Variants in DYNC1I1 observed in about 807,000 individuals in gnomAD.
The protein encoded by DYNC1I1 is cytoplasmic dynein 1 intermediate chain 1.
In DYNC1I1, 43 loss-of-function variants were observed where a neutral mutation model predicts 86.6. The observed-to-expected ratio is 0.50, with a 90% CI of 0.39 to 0.64. The LOEUF (loss-of-function observed/expected upper bound fraction) is 0.64, where lower values mean the gene tolerates loss of function less well. DYNC1I1 is among the 30% of genes least tolerant of loss of function. The pLI is 0.00. For synonymous variants in DYNC1I1, 262 were observed against 283.7 expected, an observed-to-expected ratio of 0.92 and a Z score of 0.77; for missense variants, 604 against 788.8, an observed-to-expected ratio of 0.77 and a Z score of 2.81.
At chr7:95,987,032 T>A in intron 8 of DYNC1I1, 24 bp from the exon 9 acceptor site, 1 of 1,603,486 alleles carries the variant, frequency 6.2e-7, no homozygotes, top group South Asian at 1.1e-5. Flanking sequence ...TCCATATTTA[T>A]CTCTGATGTT....
At chr7:95,804,250 A>G (rs1216847678) in intron 1 of DYNC1I1, 2 of 511,148 alleles carry the variant, frequency 3.9e-6, no homozygotes, top group Non-Finnish European at 5.6e-6. Context: ...CAGTGGAGGA[A>G]TGTTTATTGA....
intron 5 of DYNC1I1, among the ~76,000 whole-genome samples, chr7:95,840,463 A>G (rs1395878732): frequency 6.6e-6 from 1 of 152,116 alleles, no homozygotes; most frequent in Non-Finnish European, 1.5e-5. Context: ...AGATTCTCAC[A>G]TTGTTCATGC....
In DYNC1I1 at chr7:96,024,281, G is replaced by C. The variant is rs576096911; in HGVS notation, c.970-3894G>C. Among the ~76,000 whole-genome samples, 7 of 152,202 alleles carry C rather than the reference G, an allele frequency of 4.6e-5. No homozygotes were observed. The South Asian group carries it at 1.5e-3, about 32-fold the overall frequency. ...GTTTTTCTTTTTTAAATATTTTGTA[G>C]AGATGGGGTTTCACCATGTTGCTCA... On this transcript the variant is annotated intron_variant, in intron 10 of 16. Coordinates refer to ENST00000447467, the MANE Select transcript of DYNC1I1 (RefSeq NM_001135556.2).
chr7:96,078,823 A>C (rs184045733), intron 15 of DYNC1I1, among the ~76,000 whole-genome samples: 1 of 152,154 alleles, frequency 6.6e-6, no homozygotes, highest in South Asian at 2.1e-4. Flanking sequence ...AAGAGTCTAT[A>C]GTTGAATCAC....
At chr7:96,085,960 A>AT (rs1790667702) in intron 16 of DYNC1I1, among the ~76,000 whole-genome samples, 1 of 150,734 alleles carries the variant, frequency 6.6e-6, no homozygotes, top group South Asian at 2.2e-4. Context: ...ATGAACACAC[A>AT]TTTTAAAGAA....
intron 6 of DYNC1I1, among the ~76,000 whole-genome samples, chr7:95,926,045 T>C (rs1401504732): frequency 6.6e-6 from 1 of 152,208 alleles, no homozygotes; most frequent in African/African-American, 2.4e-5. Context: ...AGGGTGTGCA[T>C]TAAGCAGCTC....
At chr7:95,922,516 T>C (rs887721512) in intron 6 of DYNC1I1, among the ~76,000 whole-genome samples, 3 of 152,288 alleles carry the variant, frequency 2.0e-5, no homozygotes, top group Non-Finnish European at 4.4e-5. Context: ...ATGAAGCTTG[T>C]GTCCTTCTCA....
chr7:95,966,925 G>A (rs949618979), intron 6 of DYNC1I1, among the ~76,000 whole-genome samples: 1 of 152,146 alleles, frequency 6.6e-6, no homozygotes, highest in Admixed American at 6.5e-5. Context: ...GTGGTGGTGG[G>A]GCTTAGTGAT....
intron 7 of DYNC1I1, among the ~76,000 whole-genome samples, chr7:95,983,106 A>G (rs1346663895): frequency 3.9e-5 from 6 of 152,100 alleles, no homozygotes. Context: ...GGTGTCGTAG[A>G]GTTCTTTGTG....
In DYNC1I1 at chr7:96,015,166, G is replaced by A. The variant is rs80012719; in HGVS notation, c.970-13009G>A. On this transcript the variant is annotated intron_variant, in intron 10 of 16. Coordinates refer to ENST00000447467, the MANE Select transcript of DYNC1I1 (RefSeq NM_001135556.2). ...TTTTTAGGGAAAAGAAAAAAATACT[G>A]CCCTTGTGCATTTTAATTTAGATTT... Among the ~76,000 whole-genome samples the A allele has an allele frequency of 6.7e-3, 1,018 of 152,028 alleles. 7 individuals are homozygous for A. The highest frequency in any genetic ancestry group is 0.023 in the African/African-American group (939 of 41,468).
At chr7:95,941,818 G>T (rs1049125424) in intron 6 of DYNC1I1, among the ~76,000 whole-genome samples, 3 of 152,082 alleles carry the variant, frequency 2.0e-5, no homozygotes, top group Non-Finnish European at 2.9e-5. Flanking sequence ...ACTGTCCTGC[G>T]CCCACTGTCT....
intron 5 of DYNC1I1, 57 bp downstream of exon 5, chr7:95,828,173 A>C: frequency 1.3e-6 from 2 of 1,588,390 alleles, no homozygotes; most frequent in Non-Finnish European, 1.7e-6. Context: ...AGTTGTGTTG[A>C]AATGCTGGAG....
chr7:95,961,540 C>G (rs781646431), intron 6 of DYNC1I1, among the ~76,000 whole-genome samples: 10 of 152,162 alleles, frequency 6.6e-5, no homozygotes, highest in Non-Finnish European at 1.0e-4. Flanking sequence ...TTTCATGATT[C>G]TGCATTTATG....
rs536389999 is a variant in DYNC1I1 at position 95,964,726 on chromosome 7, C to G, written c.491-12786C>G. On this transcript the variant is annotated intron_variant, in intron 6 of 16. Transcript: ENST00000447467. ...AAAACAAGTGAAGGTGAAGGGAAAA[C>G]AAGTGCCATGTGCCAGGGCACAATG... Among the ~76,000 whole-genome samples the G allele has an allele frequency of 2.6e-5, 4 of 152,274 alleles. No homozygotes were observed. In the South Asian group the frequency reaches 6.2e-4, roughly 24 times the overall value.
chr7:96,099,368 A>G (rs938895854), downstream of DYNC1I1, among the ~76,000 whole-genome samples: 2 of 152,330 alleles, frequency 1.3e-5, no homozygotes, highest in African/African-American at 4.8e-5. Context: ...TGACTGACAC[A>G]ATACTGGGAA....
chr7:95,964,609 A>G (rs1319088702), intron 6 of DYNC1I1, among the ~76,000 whole-genome samples: 4 of 152,232 alleles, frequency 2.6e-5, no homozygotes, highest in African/African-American at 9.6e-5. Context: ...TAGAATTCTC[A>G]TTCAATTCCC....
intron 1 of DYNC1I1, among the ~76,000 whole-genome samples, chr7:95,781,786 C>A (rs1054487325): frequency 1.2e-4 from 18 of 152,214 alleles, no homozygotes; most frequent in Admixed American, 1.3e-4. Context: ...ACATTTAGTA[C>A]TTTCTTATTC....
chr7:95,897,425 A>T (rs1171838602), intron 6 of DYNC1I1, among the ~76,000 whole-genome samples: 1 of 150,132 alleles, frequency 6.7e-6, no homozygotes, highest in Non-Finnish European at 1.5e-5. Context: ...TCCTGTGTTG[A>T]CTTGTCCTCT....
rs144384780 is a variant in DYNC1I1, at chr7:95,890,300, G to A, written c.490+20302G>A. ...TTGCAGGAACATGGATGAAGCTGGAGGCCATTATCCTTAACAAAAATGCAG... is the reference window on the plus strand; with the variant it reads ...TTGCAGGAACATGGATGAAGCTGGAAGCCATTATCCTTAACAAAAATGCAG... On this transcript the variant is annotated intron_variant, in intron 6 of 16. Coordinates refer to ENST00000447467, the MANE Select transcript of DYNC1I1 (RefSeq NM_001135556.2). Among the ~76,000 whole-genome samples, 1,017 of 152,232 alleles carry A rather than the reference G, an allele frequency of 6.7e-3. 9 individuals carry two copies. Among genetic ancestry groups the A allele is most frequent in the African/African-American group, 0.023 (945 of 41,546 alleles).
Sources: gnomAD v4.1 joint callset for allele counts (sites outside exome capture counted in the v4.1 genomes callset) on GRCh38, gnomAD v4.1.1 for gene constraint, MANE v1.5 for transcripts, NCBI Gene and HGNC (gene_info 2026-07-23, HGNC 2026-07-21) for gene names.